Variants in UBASH3A observed in about 807,000 individuals in gnomAD.
UBASH3A encodes ubiquitin associated and SH3 domain containing A, also known as ubiquitin-associated and SH3 domain-containing protein A.
In UBASH3A, 63 loss-of-function variants were observed where a neutral mutation model predicts 73.5. That is an observed-to-expected ratio of 0.86 (90% CI 0.70 to 1.06). UBASH3A has a LOEUF of 1.06. Ranked by LOEUF, UBASH3A falls within the 50% of genes least tolerant of loss-of-function variation. UBASH3A has a pLI of 0.00. For missense variants in UBASH3A, 860 were observed against 859.0 expected (o/e 1.00, Z -0.02); for synonymous variants, 363 against 351.1 (o/e 1.03, Z -0.38).
chr21:42,446,422 G>T (rs988862851), intron 14 of UBASH3A, among the ~76,000 whole-genome samples: 3 of 152,024 alleles, frequency 2.0e-5, no homozygotes, highest in East Asian at 1.9e-4. Flanking sequence ...ATCACCCTAG[G>T]GTCAACACCA....
intron 11 of UBASH3A, among the ~76,000 whole-genome samples, 181 bp downstream of exon 11, chr21:42,437,761 G>A (rs1005907288): frequency 9.8e-5 from 15 of 152,334 alleles, no homozygotes; most frequent in African/African-American, 3.1e-4. Flanking sequence ...GTCCGTGAGC[G>A]TGTCTGGAAT....
intron 9 of UBASH3A, among the ~76,000 whole-genome samples, chr21:42,432,807 G>C (rs934143512): frequency 1.3e-5 from 2 of 152,176 alleles, no homozygotes; most frequent in Non-Finnish European, 2.9e-5. Context: ...CACCAGAAAA[G>C]ATTCTGAGCA....
intron 6 of UBASH3A, among the ~76,000 whole-genome samples, chr21:42,417,797 A>T (rs145937467): frequency 1.5e-4 from 23 of 151,604 alleles, no homozygotes; most frequent in Admixed American, 1.5e-3. Context: ...ATGCCTTCAG[A>T]TCTTTTGTAG....
In UBASH3A at chr21:42,432,132, G is replaced by C; in HGVS notation, c.1200G>C (p.Val400=). Reference sequence around the variant, plus strand: ...CCGTTGCAAGGAAGAGCGTGCTGGTGGTTCGCCACGGGGAGAGAGTGGATC... The same window carrying C: ...CCGTTGCAAGGAAGAGCGTGCTGGTCGTTCGCCACGGGGAGAGAGTGGATC... The part of the protein sequence containing the change: ...QATVARKSVL[V]VRHGERVDQI... The change falls in exon 9 of 15, where the codon GTG becomes GTC. Residue 400 remains valine, a synonymous_variant. Transcript: ENST00000319294. The C allele has an allele frequency of 6.2e-7, 1 of 1,613,664 alleles. No individual in the cohort carries two copies. Among genetic ancestry groups the C allele is most frequent in the Non-Finnish European group, 8.5e-7 (1 of 1,179,762 alleles).
intron 14 of UBASH3A, among the ~76,000 whole-genome samples, chr21:42,446,146 A>C (rs1486468784): frequency 6.6e-6 from 1 of 151,734 alleles, no homozygotes; most frequent in Non-Finnish European, 1.5e-5. Flanking sequence ...AGCTCCACCC[A>C]CTCCTTGGAC....
intron 3 of UBASH3A, among the ~76,000 whole-genome samples, chr21:42,411,932 T>C (rs1186471923): frequency 2.6e-5 from 4 of 152,188 alleles, no homozygotes. Flanking sequence ...GGGAGGAATG[T>C]CAGGCCGGCC....
In UBASH3A at chr21:42,409,969, G is replaced by T. The variant is rs961587300; in HGVS notation, c.354+361G>T. 3 of 661,624 alleles carry T rather than the reference G, an allele frequency of 4.5e-6. No homozygotes were observed. In the African/African-American group the frequency reaches 5.3e-5, roughly 12 times the overall value. 41.0% of individuals were successfully genotyped at this position (661,624 alleles called of 1,614,324 possible). A position where few individuals can be genotyped will look rare whatever the true frequency, so the allele number is the denominator to read the frequency against. ...CCTCACCAGACCGAGTCCCTCAAGG[G>T]AAGGCAGATACCTCACTCATCTTTG... On this transcript the variant is annotated intron_variant, in intron 3 of 14. Coordinates refer to ENST00000319294, the MANE Select transcript of UBASH3A (RefSeq NM_018961.4).
intron 11 of UBASH3A, 96 bp from the exon 12 acceptor site, chr21:42,442,356 G>T (rs2254368): frequency 2.5e-6 from 3 of 1,221,590 alleles, no homozygotes; most frequent in African/African-American, 3.0e-5. Flanking sequence ...TGATTTAGAC[G>T]TGTGTGTGAC....
At chr21:42,435,020 C>G (rs1279379434) in intron 10 of UBASH3A, 66 bp downstream of exon 10, 25 of 1,582,154 alleles carry the variant, frequency 1.6e-5, no homozygotes, top group Non-Finnish European at 2.0e-5. Context: ...GGCTAGCAGG[C>G]ATCCAGCCTG....
chr21:42,416,408 T>C (rs2146518537), intron 5 of UBASH3A, 34 bp from the exon 6 acceptor site: 1 of 1,523,662 alleles, frequency 6.6e-7, no homozygotes, highest in Non-Finnish European at 8.8e-7. Context: ...GGTAACGGTG[T>C]CCTGGCACCC....
chr21:42,413,312 C>T lies in UBASH3A; in HGVS notation c.553+90C>T. On this transcript the variant is annotated intron_variant, in intron 4 of 14. Coordinates refer to ENST00000319294, the MANE Select transcript of UBASH3A (RefSeq NM_018961.4). The surrounding 1 kb of genome is among the most constrained non-coding windows in gnomAD (Gnocchi z 4.5). ...GGGACTAGCCCCCGGCACATGGATG[C>T]AGTGGGTGGGTTCCAGGGGAGCAGA... 2 of 1,553,234 alleles carry T rather than the reference C, an allele frequency of 1.3e-6. No individual in the cohort carries two copies. Among genetic ancestry groups the T allele is most frequent in the Non-Finnish European group, 1.8e-6 (2 of 1,130,486 alleles).
chr21:42,439,585 G>A (rs2053692727), intron 11 of UBASH3A, among the ~76,000 whole-genome samples: 1 of 152,068 alleles, frequency 6.6e-6, no homozygotes, highest in Non-Finnish European at 1.5e-5. Flanking sequence ...CCACCCGAGG[G>A]CAAGCAAGGC....
At chr21:42,410,956 G>A (rs2053080541) in intron 3 of UBASH3A, among the ~76,000 whole-genome samples, 1 of 132,424 alleles carries the variant, frequency 7.6e-6, no homozygotes, top group Non-Finnish European at 1.6e-5. Context: ...CGTACACACG[G>A]CACACACAGA....
intron 8 of UBASH3A, among the ~76,000 whole-genome samples, chr21:42,427,646 C>T (rs1318662406): frequency 6.6e-6 from 1 of 152,200 alleles, no homozygotes; most frequent in East Asian, 1.9e-4. Flanking sequence ...AGACTCCTAA[C>T]CACCCTCCCA....
chr21:42,413,000 C>T (rs184118382), intron 3 of UBASH3A, 24 bp from the exon 4 acceptor site: 22 of 1,596,716 alleles, frequency 1.4e-5, no homozygotes, highest in Middle Eastern at 3.3e-4. Context: ...TGTGGAAACA[C>T]AGGCTCTGTC....
intron 14 of UBASH3A, 95 bp from the exon 15 acceptor site, chr21:42,446,962 A>G: frequency 7.0e-7 from 1 of 1,429,114 alleles, no homozygotes; most frequent in Non-Finnish European, 9.5e-7. Context: ...AGACCCTCCA[A>G]AGTAGAGGTG....
At chr21:42,438,694 A>G (rs985671589) in intron 11 of UBASH3A, among the ~76,000 whole-genome samples, 20 of 151,954 alleles carry the variant, frequency 1.3e-4, no homozygotes, top group Non-Finnish European at 2.5e-4. Flanking sequence ...AGCACGGGGG[A>G]GGTGAGTGCA....
intron 7 of UBASH3A, among the ~76,000 whole-genome samples, chr21:42,423,144 C>T (rs1022841265): frequency 2.0e-5 from 3 of 152,198 alleles, no homozygotes; most frequent in East Asian, 1.9e-4. Context: ...CCATGGCGTG[C>T]GCTGTGAGCT....
In UBASH3A at chr21:42,434,938, C is replaced by T; in HGVS notation, c.1377C>T (p.Phe459=). The T allele has an allele frequency of 6.2e-7, 1 of 1,614,130 alleles. No individual in the cohort carries two copies. The change falls in exon 10 of 15, where the codon TTC becomes TTT. Residue 459 remains phenylalanine (F), a synonymous_variant. Transcript: ENST00000319294. ...NDPPLSSCGI[F]QSRIAGDALL... is the part of the protein sequence containing the mutation. The stretch of plus-strand genomic sequence containing the variant: ...CCCCATTATCATCGTGTGGCATTTT[C>T]CAGTCCAGAATTGCAGGTATGTTTG...
Sources: allele counts gnomAD v4.1 joint callset (sites outside exome capture counted in the v4.1 genomes callset), GRCh38; gene constraint gnomAD v4.1.1; non-coding constraint Gnocchi (gnomAD v3.1); transcripts MANE v1.5; gene names NCBI Gene and HGNC (gene_info 2026-07-23, HGNC 2026-07-21).